ROR1: variants seen among roughly 807,000 people sequenced by gnomAD.
The protein encoded by ROR1 is inactive tyrosine-protein kinase transmembrane receptor ROR1.
In ROR1, 19 loss-of-function variants were observed where a neutral mutation model predicts 78.8. The ratio of observed to expected loss-of-function variants is 0.24; its 90% CI spans 0.17 to 0.35. The LOEUF is 0.35. Ranked by LOEUF, ROR1 falls within the 10% of genes least tolerant of loss-of-function variation. The pLI, the probability that ROR1 is intolerant of heterozygous loss-of-function variation, is 1.00. For missense variants in ROR1, 917 were observed against 1,177.8 expected, an observed-to-expected ratio of 0.78 and a Z score of 3.24; for synonymous variants, 386 against 433.6, an observed-to-expected ratio of 0.89 and a Z score of 1.36.
intron 1 of ROR1, among the ~76,000 whole-genome samples, chr1:63,864,184 TAC>T (rs1645201084): frequency 6.6e-6 from 1 of 152,184 alleles, no homozygotes; most frequent in Non-Finnish European, 1.5e-5. Context: ...TATTCAAGAT[TAC>T]ACAGCTATTA....
At position 64,137,741 on chromosome 1, in the gene ROR1, A is replaced by G. The variant is rs574048265; in HGVS notation, c.610+245A>G. On this transcript the variant is annotated intron_variant, in intron 5 of 8. Transcript: ENST00000371079. The stretch of plus-strand genomic sequence containing the variant: ...ACATTCATTCAAACACTCAATAAAT[A>G]TTATTAAGTGCTTTCACCGTACCAG... 5.3e-5 allele frequency among the ~76,000 whole-genome samples: 8 copies of G among 152,232 alleles called. 1 individual carries two copies. In the South Asian group the frequency reaches 1.7e-3, roughly 32 times the overall value.
At chr1:63,844,104 T>C (rs558192641) in intron 1 of ROR1, among the ~76,000 whole-genome samples, 4 of 152,322 alleles carry the variant, frequency 2.6e-5, no homozygotes, top group East Asian at 3.9e-4. Flanking sequence ...GTAGCCTGTT[T>C]CCTCATTGCT....
At chr1:63,966,074 G>A (rs902141864) in intron 1 of ROR1, among the ~76,000 whole-genome samples, 6 of 152,150 alleles carry the variant, frequency 3.9e-5, no homozygotes, top group African/African-American at 1.4e-4. Flanking sequence ...CCTGACACAG[G>A]GCAAATGCTG....
intron 8 of ROR1, among the ~76,000 whole-genome samples, chr1:64,172,764 TTA>T (rs1253017486): frequency 6.6e-6 from 1 of 152,206 alleles, no homozygotes; most frequent in African/African-American, 2.4e-5. Context: ...TGCCAAAACT[TTA>T]TGACTTCATT....
chr1:64,088,395 G>C (rs1431068999), intron 4 of ROR1, among the ~76,000 whole-genome samples: 1 of 152,016 alleles, frequency 6.6e-6, no homozygotes, highest in African/African-American at 2.4e-5. Context: ...GACAAAACCA[G>C]GCAAATTCTA....
chr1:63,824,985 C>T (rs1245245483), intron 1 of ROR1, among the ~76,000 whole-genome samples: 1 of 152,084 alleles, frequency 6.6e-6, no homozygotes, highest in African/African-American at 2.4e-5. Flanking sequence ...TAAAATACCA[C>T]TACATACCCA....
intron 4 of ROR1, among the ~76,000 whole-genome samples, chr1:64,115,301 G>C (rs1413906878): frequency 6.6e-6 from 1 of 151,710 alleles, no homozygotes; most frequent in Non-Finnish European, 1.5e-5. Flanking sequence ...CTGCAGCCTT[G>C]AACTCCTGAG....
In ROR1 at chr1:63,794,393, G is replaced by A. The variant is rs116776875; in HGVS notation, c.91+19885G>A. On this transcript the variant is annotated intron_variant, in intron 1 of 8. Transcript: ENST00000371079. ...AGGTGAGGAACCCGAGGCCCACCCT[G>A]GCCTTGATCAGAAATAACCACCCTG... Among the ~76,000 whole-genome samples, 415 of 152,278 alleles carry A rather than the reference G, an allele frequency of 2.7e-3. 2 individuals are homozygous for A. The highest frequency in any genetic ancestry group is 9.5e-3 in the African/African-American group (394 of 41,548).
chr1:63,855,404 C>T (rs551561873), intron 1 of ROR1, among the ~76,000 whole-genome samples: 64 of 152,204 alleles, frequency 4.2e-4, no homozygotes, highest in African/African-American at 1.2e-3. Context: ...ATACTTAATT[C>T]GCTCCTCTCC....
chr1:64,097,580 T>TATAC (rs1193934316), intron 4 of ROR1, among the ~76,000 whole-genome samples: 1 of 150,974 alleles, frequency 6.6e-6, no homozygotes, highest in East Asian at 1.9e-4. Flanking sequence ...ATATAGTATA[T>TATAC]ATATATATAA....
intron 1 of ROR1, among the ~76,000 whole-genome samples, chr1:63,845,197 A>G (rs1057144658): frequency 2.0e-5 from 3 of 152,144 alleles, no homozygotes; most frequent in Non-Finnish European, 4.4e-5. Flanking sequence ...GTTTCTCCAT[A>G]TATGTGTTAA....
intron 1 of ROR1, among the ~76,000 whole-genome samples, chr1:63,949,924 G>A (rs576010872): frequency 6.6e-6 from 1 of 152,252 alleles, no homozygotes; most frequent in Non-Finnish European, 1.5e-5. Flanking sequence ...AAACATACTT[G>A]TGTTTTCTGG....
At chr1:63,803,340 C>T (rs868283737) in intron 1 of ROR1, among the ~76,000 whole-genome samples, 1 of 151,930 alleles carries the variant, frequency 6.6e-6, no homozygotes, top group African/African-American at 2.4e-5. Flanking sequence ...GAAAACTCTC[C>T]ATCAAATTTT....
At chr1:63,950,398 A>G (rs1047102840) in intron 1 of ROR1, among the ~76,000 whole-genome samples, 12 of 152,142 alleles carry the variant, frequency 7.9e-5, no homozygotes, top group African/African-American at 2.9e-4. Flanking sequence ...TTGCCATGGC[A>G]TTTGTAAACT....
intron 1 of ROR1, among the ~76,000 whole-genome samples, chr1:64,006,020 G>C (rs944652190): frequency 2.6e-5 from 4 of 152,116 alleles, no homozygotes; most frequent in Admixed American, 2.6e-4. Context: ...GACACGTGGG[G>C]AACAATTTCA....
intron 1 of ROR1, among the ~76,000 whole-genome samples, chr1:63,829,156 G>C (rs918261450): frequency 3.9e-5 from 6 of 152,174 alleles, no homozygotes; most frequent in African/African-American, 1.4e-4. Context: ...CTGGCTGTGT[G>C]GTAATAGCTA....
At chr1:63,782,713 G>A (rs898286570) in intron 1 of ROR1, among the ~76,000 whole-genome samples, 1 of 151,994 alleles carries the variant, frequency 6.6e-6, no homozygotes, top group Non-Finnish European at 1.5e-5. Context: ...GCAGACCTGG[G>A]GCTCCATCCA....
intron 1 of ROR1, among the ~76,000 whole-genome samples, chr1:63,937,123 C>T (rs895265403): frequency 5.3e-5 from 8 of 152,142 alleles, no homozygotes; most frequent in African/African-American, 1.7e-4. Context: ...TATTAATTTT[C>T]GGCTTCCTTC....
At chr1:63,943,361 G>A (rs145045835) in intron 1 of ROR1, among the ~76,000 whole-genome samples, 9 of 152,224 alleles carry the variant, frequency 5.9e-5, no homozygotes, top group South Asian at 2.1e-4. Context: ...CCCAGGCACC[G>A]ACACCCAAAC....
Sources: allele counts gnomAD v4.1 joint callset (sites outside exome capture counted in the v4.1 genomes callset), GRCh38; gene constraint gnomAD v4.1.1; transcripts MANE v1.5; gene names NCBI Gene and HGNC (gene_info 2026-07-23, HGNC 2026-07-21).